Variants in MXI1 observed in about 807,000 individuals in gnomAD.
The protein encoded by MXI1 is max-interacting protein 1.
Under a neutral mutation model 36.9 loss-of-function variants are expected in MXI1, and 18 were observed. That is an observed-to-expected ratio of 0.49 (90% CI 0.34 to 0.72). The LOEUF (loss-of-function observed/expected upper bound fraction) is 0.72. Ranked by LOEUF, MXI1 falls within the 30% of genes least tolerant of loss-of-function variation. MXI1 has a pLI of 0.01. For synonymous variants in MXI1, 160 were observed against 146.7 expected (o/e 1.09, Z -0.65); for missense variants, 304 against 379.1 (o/e 0.80, Z 1.64).
rs113937449 is a variant in MXI1 at position 110,221,266 on chromosome 10, G to A, written c.275-6923G>A. On this transcript the variant is annotated intron_variant, in intron 1 of 5. Transcript: ENST00000332674. ...TATTCCATCAGTTTGATAGACAGCT[G>A]TTGGCCTTGGGCAAGTTACCATACC... 9.2e-3 allele frequency among the ~76,000 whole-genome samples: 1,397 copies of A among 152,360 alleles called. 13 individuals are homozygous for A. The highest frequency in any genetic ancestry group is 0.016 in the Admixed American group (238 of 15,306).
At chr10:110,213,081 G>A (rs1013159236) in intron 1 of MXI1, among the ~76,000 whole-genome samples, 4 of 152,178 alleles carry the variant, frequency 2.6e-5, no homozygotes, top group Non-Finnish European at 4.4e-5. Flanking sequence ...CAGCCTTTCC[G>A]AAGATTTGGA....
intron 2 of MXI1, among the ~76,000 whole-genome samples, chr10:110,239,877 A>C (rs1317466945): frequency 1.3e-5 from 2 of 152,128 alleles, no homozygotes; most frequent in African/African-American, 4.8e-5. Flanking sequence ...AAATCTTAGA[A>C]GCCCCCTCCT....
intron 2 of MXI1, among the ~76,000 whole-genome samples, chr10:110,232,968 T>C (rs972559702): frequency 1.3e-5 from 2 of 152,254 alleles, no homozygotes; most frequent in Non-Finnish European, 2.9e-5. Context: ...CAAACTTGCA[T>C]ATTGAAAGAA....
intron 3 of MXI1, among the ~76,000 whole-genome samples, chr10:110,278,950 AT>A: frequency 6.6e-6 from 1 of 152,176 alleles, no homozygotes; most frequent in East Asian, 1.9e-4. Flanking sequence ...CTTGACAGAG[AT>A]TACCATTGGG....
intron 1 of MXI1, chr10:110,208,701 A>C (rs1854424781): frequency 6.8e-6 from 1 of 147,244 alleles, no homozygotes; most frequent in Non-Finnish European, 1.5e-5. Context: ...CTACGGACAC[A>C]GTCCCCCTGC....
At chr10:110,222,197 A>T (rs1854831583) in intron 1 of MXI1, among the ~76,000 whole-genome samples, 1 of 152,306 alleles carries the variant, frequency 6.6e-6, no homozygotes, top group Non-Finnish European at 1.5e-5. Context: ...TTCTCATTTA[A>T]GAGCTTAGAG....
At chr10:110,237,560 T>G (rs1394682448) in intron 2 of MXI1, among the ~76,000 whole-genome samples, 1 of 152,198 alleles carries the variant, frequency 6.6e-6, no homozygotes, top group African/African-American at 2.4e-5. Context: ...TTTTGTACTG[T>G]TGCAGTACTG....
chr10:110,210,120 C>A, intron 1 of MXI1: 1 of 356,444 alleles, frequency 2.8e-6, no homozygotes, highest in African/African-American at 2.3e-5. Flanking sequence ...CCACCAGTCA[C>A]GTAAGCAGAG....
At position 110,285,990 on chromosome 10, in the gene MXI1, A is replaced by G. The variant is rs1857419150; in HGVS notation, c.*1003A>G. 1 of 152,596 alleles carries G rather than the reference A, an allele frequency of 6.6e-6. No individual in the cohort carries two copies. Among genetic ancestry groups the G allele is most frequent in the Admixed American group, 6.5e-5 (1 of 15,272 alleles). 9.5% of individuals were successfully genotyped at this position (152,596 alleles called of 1,614,324 possible). On this transcript the variant is annotated 3_prime_UTR_variant, in exon 6 of 6. Transcript: ENST00000332674. ...TTTATAGTGGAAAAACACATGGGGA[A>G]AAAAATCATCTATTTTGATGCAGCA...
intron 1 of MXI1, among the ~76,000 whole-genome samples, chr10:110,214,068 G>GAT (rs1854570137): frequency 6.6e-6 from 1 of 152,198 alleles, no homozygotes; most frequent in South Asian, 2.1e-4. Context: ...TTGCCCAAAG[G>GAT]ATATATAGCT....
At chr10:110,284,803 T>TCTTC (rs3053349) in intron 5 of MXI1, 21 bp from the exon 6 acceptor site, 1 of 1,526,046 alleles carries the variant, frequency 6.6e-7, no homozygotes, top group Admixed American at 2.0e-5. Context: ...ATGTTCTTCT[T>TCTTC]TTTTTTTTTT....
chr10:110,244,241 C>T (rs921766468), intron 2 of MXI1, among the ~76,000 whole-genome samples: 14 of 151,922 alleles, frequency 9.2e-5, no homozygotes, highest in African/African-American at 3.4e-4. Context: ...TTGTAAAACA[C>T]GTTTCTTGAT....
At chr10:110,258,132 G>A (rs1326019164) in intron 3 of MXI1, among the ~76,000 whole-genome samples, 1 of 152,144 alleles carries the variant, frequency 6.6e-6, no homozygotes, top group Admixed American at 6.5e-5. Flanking sequence ...TATAGTTGTG[G>A]AGGAAAGGAA....
At chr10:110,257,663 C>T (rs1479512780) in intron 3 of MXI1, 1 of 166,058 alleles carries the variant, frequency 6.0e-6, no homozygotes, top group African/African-American at 2.4e-5. Context: ...TTTAAGCACT[C>T]TAAGAACTGA....
intron 1 of MXI1, among the ~76,000 whole-genome samples, chr10:110,220,618 G>C (rs1048260959): frequency 1.3e-5 from 2 of 152,206 alleles, no homozygotes; most frequent in Non-Finnish European, 2.9e-5. Context: ...TGGCAGGGGA[G>C]GGAGGGTTAC....
chr10:110,273,117 G>A (rs1856911094), intron 3 of MXI1, among the ~76,000 whole-genome samples: 1 of 142,582 alleles, frequency 7.0e-6, no homozygotes, highest in Admixed American at 7.7e-5. Flanking sequence ...ATGCGATCTC[G>A]GCTCACTGCA....
intron 1 of MXI1, chr10:110,225,895 G>A: frequency 1.7e-6 from 1 of 578,800 alleles, no homozygotes; most frequent in Non-Finnish European, 2.2e-6. Flanking sequence ...GGCAGCCGCG[G>A]GCGGGTGCGG....
intron 2 of MXI1, among the ~76,000 whole-genome samples, chr10:110,240,633 C>G (rs1233277294): frequency 6.6e-6 from 1 of 152,012 alleles, no homozygotes; most frequent in Middle Eastern, 3.2e-3. Context: ...TATTTTCAAT[C>G]TCAACCCCTT....
chr10:110,226,234 C>A, intron 1 of MXI1: 2 of 1,498,344 alleles, frequency 1.3e-6, no homozygotes, highest in Non-Finnish European at 8.9e-7. Context: ...AGATGATCAA[C>A]GTGCAGCGTC....
Sources: allele counts gnomAD v4.1 joint callset (sites outside exome capture counted in the v4.1 genomes callset), GRCh38; gene constraint gnomAD v4.1.1; transcripts MANE v1.5; gene names NCBI Gene and HGNC (gene_info 2026-07-23, HGNC 2026-07-21).